STAU2: variants seen among roughly 807,000 people sequenced by gnomAD.
The protein encoded by STAU2 is double-stranded RNA-binding protein Staufen homolog 2.
In STAU2, 20 loss-of-function variants were observed where a neutral mutation model predicts 65.9. The observed-to-expected ratio is 0.30, with a 90% CI of 0.21 to 0.44. The LOEUF is 0.44. STAU2 is among the 20% of genes least tolerant of loss of function. STAU2 has a pLI of 1.00. For missense variants in STAU2, 558 were observed against 683.9 expected, an observed-to-expected ratio of 0.82 and a Z score of 2.05; for synonymous variants, 232 against 233.9, an observed-to-expected ratio of 0.99 and a Z score of 0.07.
chr8:73,465,543 G>A (rs1208338456), intron 13 of STAU2, among the ~76,000 whole-genome samples: 1 of 152,070 alleles, frequency 6.6e-6, no homozygotes, highest in Non-Finnish European at 1.5e-5. Flanking sequence ...ATAATTTTTT[G>A]TTTGGGATGT....
intron 12 of STAU2, among the ~76,000 whole-genome samples, chr8:73,570,766 A>C (rs1186514848): frequency 6.6e-6 from 1 of 152,226 alleles, no homozygotes; most frequent in Admixed American, 6.5e-5. Flanking sequence ...CAGAAACTCT[A>C]CAAGCCAGAA....
At chr8:73,461,080 C>G (rs866391900) in intron 13 of STAU2, among the ~76,000 whole-genome samples, 3 of 152,128 alleles carry the variant, frequency 2.0e-5, no homozygotes, top group Admixed American at 2.0e-4. Context: ...GGTGGTGATA[C>G]AGGCTGTAGA....
intron 13 of STAU2, chr8:73,527,788 C>T (rs1010200856): frequency 2.0e-6 from 3 of 1,536,438 alleles, no homozygotes; most frequent in Non-Finnish European, 2.6e-6. Context: ...GCCACTTTGT[C>T]TATCACAGTA....
intron 13 of STAU2, among the ~76,000 whole-genome samples, chr8:73,490,957 G>A (rs1379131405): frequency 6.6e-6 from 1 of 151,960 alleles, no homozygotes; most frequent in Non-Finnish European, 1.5e-5. Flanking sequence ...AAGTATGAAT[G>A]TTTAAATAAA....
intron 6 of STAU2, among the ~76,000 whole-genome samples, chr8:73,633,967 G>A (rs1814302049): frequency 6.6e-6 from 1 of 151,838 alleles, no homozygotes; most frequent in South Asian, 2.1e-4. Context: ...GACAAAGCGA[G>A]ACTCCATCTC....
chr8:73,445,711 A>G (rs1294264982), intron 13 of STAU2, among the ~76,000 whole-genome samples: 1 of 152,242 alleles, frequency 6.6e-6, no homozygotes, highest in African/African-American at 2.4e-5. Flanking sequence ...ATGAAGAGAC[A>G]TTTCACCAAA....
At chr8:73,552,690 A>G (rs1563417332) in intron 12 of STAU2, among the ~76,000 whole-genome samples, 6 of 152,200 alleles carry the variant, frequency 3.9e-5, no homozygotes, top group Non-Finnish European at 8.8e-5. Context: ...TAAAAGAGGC[A>G]TGAAACCCCA....
At chr8:73,439,352 C>T (rs1204257255) in intron 13 of STAU2, 2 of 280,030 alleles carry the variant, frequency 7.1e-6, no homozygotes, top group African/African-American at 4.5e-5. Context: ...CATGGTGGCT[C>T]ATGCCTGTAA....
intron 3 of STAU2, among the ~76,000 whole-genome samples, chr8:73,725,834 G>A (rs1255678667): frequency 6.6e-6 from 1 of 152,162 alleles, no homozygotes; most frequent in Non-Finnish European, 1.5e-5. Context: ...TTGAGAGGCT[G>A]AGGTGGGAGG....
intron 6 of STAU2, among the ~76,000 whole-genome samples, chr8:73,671,148 T>G (rs988339069): frequency 6.6e-6 from 1 of 152,166 alleles, no homozygotes; most frequent in African/African-American, 2.4e-5. Flanking sequence ...TACTACTTGA[T>G]GGCCACGTGA....
At chr8:73,662,607 T>C (rs888766069) in intron 6 of STAU2, among the ~76,000 whole-genome samples, 3 of 151,784 alleles carry the variant, frequency 2.0e-5, no homozygotes, top group Non-Finnish European at 4.4e-5. Context: ...TTTTTGTTGT[T>C]GTTGTTGTTG....
At chr8:73,667,216 T>C (rs937418866) in intron 6 of STAU2, among the ~76,000 whole-genome samples, 3 of 152,082 alleles carry the variant, frequency 2.0e-5, no homozygotes, top group African/African-American at 4.8e-5. Flanking sequence ...TACAACAACA[T>C]TGTCGTAATT....
chr8:73,714,296 A>G (rs1464935687), intron 3 of STAU2, among the ~76,000 whole-genome samples: 1 of 152,236 alleles, frequency 6.6e-6, no homozygotes, highest in Admixed American at 6.5e-5. Context: ...AAAATAAGAA[A>G]GAAAAAAGTC....
At chr8:73,431,778 A>C (rs1450193709) in intron 13 of STAU2, among the ~76,000 whole-genome samples, 1 of 152,138 alleles carries the variant, frequency 6.6e-6, no homozygotes, top group Non-Finnish European at 1.5e-5. Flanking sequence ...GTGCTCACAG[A>C]ATGGAGGTGA....
intron 13 of STAU2, among the ~76,000 whole-genome samples, chr8:73,496,660 T>C (rs1201211776): frequency 6.6e-6 from 1 of 151,576 alleles, no homozygotes; most frequent in Non-Finnish European, 1.5e-5. Context: ...ACAGATGAAA[T>C]TAATTTTAAT....
intron 11 of STAU2, among the ~76,000 whole-genome samples, chr8:73,587,216 T>G (rs536814026): frequency 6.6e-5 from 10 of 152,108 alleles, no homozygotes; most frequent in African/African-American, 2.4e-4. Flanking sequence ...CAATTTAGAA[T>G]TACAGCTTAG....
intron 12 of STAU2, among the ~76,000 whole-genome samples, chr8:73,568,496 G>A (rs1247428256): frequency 6.6e-6 from 1 of 152,098 alleles, no homozygotes; most frequent in Admixed American, 6.6e-5. Context: ...TTAGCTACTT[G>A]AAAGGCTGAG....
chr8:73,530,276 C>T (rs535035229), intron 13 of STAU2, among the ~76,000 whole-genome samples: 17 of 152,302 alleles, frequency 1.1e-4, no homozygotes, highest in African/African-American at 3.8e-4. Flanking sequence ...GAGATTTTCT[C>T]CTATTGGCCC....
At chr8:73,686,283 G>A (rs1818807293) in intron 5 of STAU2, among the ~76,000 whole-genome samples, 1 of 152,090 alleles carries the variant, frequency 6.6e-6, no homozygotes, top group African/African-American at 2.4e-5. Flanking sequence ...AGGCACAGTG[G>A]CTCACACCTG....
Sources: gnomAD v4.1 joint callset for allele counts (sites outside exome capture counted in the v4.1 genomes callset) on GRCh38, gnomAD v4.1.1 for gene constraint, MANE v1.5 for transcripts, NCBI Gene and HGNC (gene_info 2026-07-23, HGNC 2026-07-21) for gene names.